The following SVIL variants were observed in gnomAD, a reference collection of about 807,000 sequenced individuals.
SVIL encodes the protein supervillin.
In SVIL, 101 loss-of-function variants were observed where a neutral mutation model predicts 240.4. That is an observed-to-expected ratio of 0.42 (90% confidence interval 0.36 to 0.50). SVIL has a LOEUF of 0.50. Ranked by LOEUF, SVIL falls within the 20% of genes least tolerant of loss-of-function variation. SVIL has a pLI of 0.01. For synonymous variants in SVIL, 999 were observed against 1,100.0 expected, an observed-to-expected ratio of 0.91 and a Z score of 1.82; for missense variants, 2,512 against 2,818.7, an observed-to-expected ratio of 0.89 and a Z score of 2.46.
At chr10:29,581,327 C>T (rs1311479147) in intron 1 of SVIL, among the ~76,000 whole-genome samples, 1 of 152,192 alleles carries the variant, frequency 6.6e-6, no homozygotes, top group Non-Finnish European at 1.5e-5. Context: ...TCTCACTGGT[C>T]AGTCAGACTT....
intron 1 of SVIL, among the ~76,000 whole-genome samples, chr10:29,704,449 A>G (rs112456222): frequency 0.011 from 1,640 of 152,118 alleles, 31 homozygotes; most frequent in African/African-American, 0.038. Context: ...TTCTGTAGAG[A>G]TAGGCTCTCA....
At chr10:29,523,378 T>C (rs1352370183) in intron 15 of SVIL, 73 bp downstream of exon 15, 16 of 1,409,994 alleles carry the variant, frequency 1.1e-5, no homozygotes, top group Non-Finnish European at 7.7e-6. Flanking sequence ...AAAGCCATCA[T>C]AGACACAGGA....
chr10:29,465,974 A>G (rs1488328566), intron 33 of SVIL, among the ~76,000 whole-genome samples: 1 of 151,400 alleles, frequency 6.6e-6, no homozygotes, highest in Non-Finnish European at 1.5e-5. Context: ...ACAATGCAAA[A>G]TTAAAAAGAA....
intron 1 of SVIL, among the ~76,000 whole-genome samples, chr10:29,606,204 CG>C (rs1957016118): frequency 6.6e-6 from 1 of 151,906 alleles, no homozygotes; most frequent in Non-Finnish European, 1.5e-5. Context: ...CCACAGCTCC[CG>C]GCCTATTTTT....
At chr10:29,499,820 G>A (rs1448303374) in intron 17 of SVIL, among the ~76,000 whole-genome samples, 1 of 152,208 alleles carries the variant, frequency 6.6e-6, no homozygotes, top group Admixed American at 6.5e-5. Context: ...CTGCGGGCAG[G>A]TAGACAACCA....
intron 29 of SVIL, 55 bp downstream of exon 29, chr10:29,480,482 C>T (rs775482561): frequency 2.5e-6 from 4 of 1,592,444 alleles, no homozygotes; most frequent in Non-Finnish European, 8.6e-7. Context: ...CTGGCTCCCG[C>T]AGGGCTGCCG....
At chr10:29,570,111 A>G (rs1157209285) in intron 1 of SVIL, among the ~76,000 whole-genome samples, 1 of 152,260 alleles carries the variant, frequency 6.6e-6, no homozygotes, top group East Asian at 1.9e-4. Context: ...AAAAATAAGT[A>G]CAAAATATAT....
chr10:29,538,067 G>A (rs1951864693), intron 6 of SVIL, among the ~76,000 whole-genome samples: 1 of 152,186 alleles, frequency 6.6e-6, no homozygotes, highest in Non-Finnish European at 1.5e-5. Context: ...GGGCAAGAGG[G>A]GCCAGCAGAC....
In SVIL at chr10:29,524,534, T is replaced by C. The variant is rs1469094141; in HGVS notation, c.2524A>G (p.Arg842Gly). The C allele has an allele frequency of 6.2e-7, 1 of 1,614,198 alleles. No homozygotes were observed. Among genetic ancestry groups the C allele is most frequent in the South Asian group, 1.1e-5 (1 of 91,080 alleles). Residue 842 changes from arginine (R) to glycine (G), a missense_variant, in exon 14 of 38, where the codon AGA becomes GGA. Arg to Gly is a moderately radical substitution (Grantham distance 125). Around this residue, in one of 3 missense-constraint regions of SVIL, gnomAD observed 1,443 missense variants for 1,486.6 expected, o/e 0.97. Coordinates refer to ENST00000355867, the MANE Select transcript of SVIL (RefSeq NM_021738.3). Reference protein sequence around the residue: ...AISTRNRIDTRQRRMNARYQT... With the variant: ...AISTRNRIDTGQRRMNARYQT... ...TAGCGAGCGTTCATTCTCCTCTGTCTCGTGTCTATTCTGTTCCGGGTAGAA... is the reference window on the plus strand; with the variant it reads ...TAGCGAGCGTTCATTCTCCTCTGTCCCGTGTCTATTCTGTTCCGGGTAGAA...
chr10:29,494,740 A>G (rs1451557035), intron 20 of SVIL, among the ~76,000 whole-genome samples, 174 bp downstream of exon 20: 1 of 152,222 alleles, frequency 6.6e-6, no homozygotes, highest in East Asian at 1.9e-4. Context: ...GCTTAGATTC[A>G]AGAAAAAAAT....
intron 6 of SVIL, among the ~76,000 whole-genome samples, chr10:29,546,305 G>A (rs1952679507): frequency 6.6e-6 from 1 of 152,208 alleles, no homozygotes; most frequent in Non-Finnish European, 1.5e-5. Context: ...GTAACAGTTA[G>A]AGAGGTGGGG....
At chr10:29,467,948 TATG>T in intron 32 of SVIL, 73 bp from the exon 33 acceptor site, 2 of 1,488,254 alleles carry the variant, frequency 1.3e-6, no homozygotes, top group South Asian at 1.2e-5. Context: ...TTATTACTAT[TATG>T]ATAACAGCTT....
At chr10:29,522,692 C>A in intron 15 of SVIL, 57 bp from the exon 16 acceptor site, 3 of 1,557,622 alleles carry the variant, frequency 1.9e-6, no homozygotes, top group South Asian at 1.2e-5. Flanking sequence ...ATTCTTCCAG[C>A]GATTCGCCCT....
At chr10:29,557,218 C>T (rs950416992) in intron 3 of SVIL, among the ~76,000 whole-genome samples, 5 of 152,104 alleles carry the variant, frequency 3.3e-5, no homozygotes, top group African/African-American at 2.4e-5. Flanking sequence ...AACTCAGCCT[C>T]GCGAGTAGGT....
intron 29 of SVIL, among the ~76,000 whole-genome samples, chr10:29,478,395 A>G (rs1946439462): frequency 6.6e-6 from 1 of 152,240 alleles, no homozygotes; most frequent in Admixed American, 6.5e-5. Flanking sequence ...ATGTGAACAC[A>G]GGCCAGGCAC....
At chr10:29,576,272 A>C (rs1196502055) in intron 1 of SVIL, 1 of 242,920 alleles carries the variant, frequency 4.1e-6, no homozygotes, top group African/African-American at 2.3e-5. Context: ...AGTGACTAGC[A>C]TACTTGATGG....
intron 1 of SVIL, among the ~76,000 whole-genome samples, chr10:29,702,908 C>T (rs1416559679): frequency 1.3e-5 from 2 of 152,146 alleles, no homozygotes; most frequent in African/African-American, 4.8e-5. Context: ...GATCTCACTA[C>T]CTGGCCCAGA....
At chr10:29,535,910 G>T in intron 7 of SVIL, 79 bp downstream of exon 7, 1 of 1,400,988 alleles carries the variant, frequency 7.1e-7, no homozygotes, top group South Asian at 1.2e-5. Flanking sequence ...AGAGGAGAGT[G>T]GGTGTTAGCT....
At chr10:29,561,069 C>G (rs916479982) in intron 3 of SVIL, among the ~76,000 whole-genome samples, 1 of 150,410 alleles carries the variant, frequency 6.6e-6, no homozygotes, top group Non-Finnish European at 1.5e-5. Flanking sequence ...AATCCACCTG[C>G]CTTGGCCTCC....
Sources: gnomAD v4.1 joint callset for allele counts (sites outside exome capture counted in the v4.1 genomes callset) on GRCh38, gnomAD v4.1.1 for gene constraint, gnomAD v4.1.1 regional missense constraint, MANE v1.5 for transcripts, NCBI Gene and HGNC (gene_info 2026-07-23, HGNC 2026-07-21) for gene names.